Variants in OR2A14 observed in about 807,000 individuals in gnomAD.
OR2A14 encodes olfactory receptor 2A14.
A neutral mutation model predicts 2.4 loss-of-function variants in OR2A14; 2 were observed. The ratio of observed to expected loss-of-function variants is 0.85; its 90% confidence interval spans 0.35 to 2.67. OR2A14 has a LOEUF of 2.67. Ranked by LOEUF, OR2A14 falls within the 30% of genes most tolerant of loss-of-function variation. OR2A14 has a pLI of 0.10. For missense variants in OR2A14, 390 were observed against 379.4 expected (o/e 1.03, Z -0.23); for synonymous variants, 160 against 156.3 (o/e 1.02, Z -0.18).
At chr7:144,127,152 A>G (rs965294894) in intron 1 of OR2A14, among the ~76,000 whole-genome samples, 1 of 152,232 alleles carries the variant, frequency 6.6e-6, no homozygotes, top group Non-Finnish European at 1.5e-5. Flanking sequence ...ATGTGTTTAC[A>G]TCATCCACAG....
chr7:144,127,009 A>T (rs554157374), intron 1 of OR2A14, among the ~76,000 whole-genome samples: 72 of 152,350 alleles, frequency 4.7e-4, no homozygotes, highest in African/African-American at 1.7e-3. Context: ...TAGGGGAAAG[A>T]GAGAGGCAGG....
At position 144,129,559 on chromosome 7, in the gene OR2A14, G is replaced by C; in HGVS notation, c.447G>C (p.Val149=). 1 of 1,614,156 alleles carries C rather than the reference G, an allele frequency of 6.2e-7. No homozygotes were observed. Among genetic ancestry groups the C allele is most frequent in the Non-Finnish European group, 8.5e-7 (1 of 1,180,004 alleles). ...CTGTCCTGGCTGTGGCTTCCTGGGTGTTCAGCTTCCTCCTGGCTCTGGTCC... is the reference window on the plus strand; with the variant it reads ...CTGTCCTGGCTGTGGCTTCCTGGGTCTTCAGCTTCCTCCTGGCTCTGGTCC... ...VCTVLAVASW[V]FSFLLALVPL... The change falls in exon 2 of 2, where the codon GTG becomes GTC. Residue 149 remains valine (V), a synonymous_variant. Transcript: ENST00000641068.
rs1481360880 is a variant in OR2A14 at position 144,129,667 on chromosome 7, G to T, written c.555G>T (p.Lys185Asn). ...HFFCEILSVL[K>N]LACADTWLNQ... ...TCTGTGAAATCCTGTCTGTCCTCAA[G>T]TTGGCCTGTGCTGACACCTGGCTCA... The change falls in exon 2 of 2, where the codon AAG (lysine) becomes AAT (asparagine). Residue 185 changes from lysine to asparagine, a missense_variant. Coordinates refer to ENST00000641068, the MANE Select transcript of OR2A14 (RefSeq NM_001001659.3). The T allele has an allele frequency of 1.9e-6, 3 of 1,614,148 alleles. No individual in the cohort carries two copies. The highest frequency in any genetic ancestry group is 2.5e-6 in the Non-Finnish European group (3 of 1,180,030).
intron 1 of OR2A14, among the ~76,000 whole-genome samples, chr7:144,127,835 T>C (rs912676097): frequency 1.3e-5 from 2 of 152,204 alleles, no homozygotes; most frequent in African/African-American, 4.8e-5. Flanking sequence ...ATGTGAAGTG[T>C]TAACAGAACA....
chr7:144,129,324 C>A lies in OR2A14; in HGVS notation c.212C>A (p.Ser71Tyr), dbSNP rs774932482. 1.9e-6 allele frequency: 3 copies of A among 1,614,190 alleles called. No individual in the cohort carries two copies. Among genetic ancestry groups the A allele is most frequent in the South Asian group, 2.2e-5 (2 of 91,086 alleles). ...FLSHLAIVDI[S>Y]YASNYVPKML... ...TCACACCTGGCCATTGTTGACATAT[C>A]CTATGCTTCCAACTATGTCCCCAAG... The change falls in exon 2 of 2, where the codon TCC becomes TAC. Residue 71 changes from serine to tyrosine, a missense_variant. Transcript: ENST00000641068.
chr7:144,128,738 C>G (rs1246880950), intron 1 of OR2A14, among the ~76,000 whole-genome samples: 1 of 152,104 alleles, frequency 6.6e-6, no homozygotes, highest in Admixed American at 6.5e-5. Flanking sequence ...TCTCAAACTA[C>G]GTAAAAATCA....
chr7:144,130,141 C>A lies in OR2A14; in HGVS notation c.*96C>A. 1.1e-6 allele frequency: 1 copy of A among 943,846 alleles called. No homozygotes were observed. The highest frequency in any genetic ancestry group is 1.6e-6 in the Non-Finnish European group (1 of 620,368). 58.5% of individuals were successfully genotyped at this position (943,846 alleles called of 1,614,324 possible). ...TGTCTTCTGCTAGAATAAATGCTAC[C>A]TTAAACTGGAATACTATAGACCTAT... On this transcript the variant is annotated 3_prime_UTR_variant, in exon 2 of 2. Coordinates refer to ENST00000641068, the MANE Select transcript of OR2A14 (RefSeq NM_001001659.3).
At chr7:144,128,746 T>C (rs2128807283) in intron 1 of OR2A14, among the ~76,000 whole-genome samples, 1 of 152,214 alleles carries the variant, frequency 6.6e-6, no homozygotes, top group South Asian at 2.1e-4. Flanking sequence ...TACGTAAAAA[T>C]CAAGATTTCA....
Position 144,129,383 on chromosome 7 carries a change from A to G in OR2A14, c.271A>G (p.Ile91Val). 2 of 1,614,170 alleles carry G rather than the reference A, an allele frequency of 1.2e-6. No homozygotes were observed. The highest frequency in any genetic ancestry group is 1.1e-5 in the South Asian group (1 of 91,084). ...LTNLMNQEST[I>V]SFFPCIMQTF... Reference sequence around the variant, plus strand: ...GAATCTTATGAACCAGGAAAGCACCATCTCCTTTTTTCCATGCATAATGCA... The same window carrying G: ...GAATCTTATGAACCAGGAAAGCACCGTCTCCTTTTTTCCATGCATAATGCA... The change falls in exon 2 of 2, where the codon ATC (isoleucine) becomes GTC (valine). Residue 91 changes from isoleucine (I) to valine (V), a missense_variant. Physicochemically the swap from Ile to Val is conservative, Grantham distance 29. Transcript: ENST00000641068.
At chr7:144,128,644 G>A (rs1465541119) in intron 1 of OR2A14, among the ~76,000 whole-genome samples, 3 of 152,158 alleles carry the variant, frequency 2.0e-5, no homozygotes, top group African/African-American at 7.2e-5. Flanking sequence ...GAGGGTCCCC[G>A]TCCCTGCACA....
In OR2A14 at chr7:144,129,965, A is replaced by G. The variant is rs989572660; in HGVS notation, c.853A>G (p.Asn285Asp). Residue 285 changes from asparagine to aspartate, a missense_variant, in exon 2 of 2, where the codon AAC (asparagine) becomes GAC (aspartate). Physicochemically the swap from Asn to Asp is conservative, Grantham distance 23. Transcript: ENST00000641068. ...TTACAGCCTTTTCAATCCAATGCTG[A>G]ACCCCCTGATATATAGCCTAAGGAA... is the stretch of plus-strand genomic sequence containing the variant. ...LFYSLFNPML[N>D]PLIYSLRNAE... 6.2e-7 allele frequency: 1 copy of G among 1,614,174 alleles called. No individual in the cohort carries two copies.
chr7:144,129,608 C>A lies in OR2A14; in HGVS notation c.496C>A (p.Pro166Thr). 3.1e-6 allele frequency: 5 copies of A among 1,607,932 alleles called. No individual in the cohort carries two copies. Among genetic ancestry groups the A allele is most frequent in the Non-Finnish European group, 4.2e-6 (5 of 1,178,370 alleles). The change falls in exon 2 of 2, where the codon CCC (proline) becomes ACC (threonine). Residue 166 changes from proline (P) to threonine (T), a missense_variant. Transcript: ENST00000641068. ...LVPLVLILSL[P>T]FCGPHEINHF... ...CCCTTTAGTTCTCATCCTGAGCCTGCCCTTCTGCGGGCCTCATGAAATCAA... is the reference window on the plus strand; with the variant it reads ...CCCTTTAGTTCTCATCCTGAGCCTGACCTTCTGCGGGCCTCATGAAATCAA...
chr7:144,128,977 C>G, intron 1 of OR2A14, 102 bp from the exon 2 acceptor site: 1 of 668,160 alleles, frequency 1.5e-6, no homozygotes. Context: ...TATGAGCACA[C>G]TTGGTTAGTT....
chr7:144,129,008 A>G (rs2128807316), intron 1 of OR2A14, 71 bp from the exon 2 acceptor site: 1 of 952,988 alleles, frequency 1.0e-6, no homozygotes, highest in East Asian at 2.6e-5. Flanking sequence ...ATCTGAGAAT[A>G]AATTCTAGAA....
chr7:144,124,000 T>C (rs1436975680), intron 1 of OR2A14, among the ~76,000 whole-genome samples: 1 of 151,326 alleles, frequency 6.6e-6, no homozygotes, highest in Non-Finnish European at 1.5e-5. Flanking sequence ...AGTTAATGCA[T>C]TTAATCCTCA....
At chr7:144,127,780 C>G (rs141331894) in intron 1 of OR2A14, among the ~76,000 whole-genome samples, 4 of 151,996 alleles carry the variant, frequency 2.6e-5, no homozygotes, top group Non-Finnish European at 4.4e-5. Context: ...GAACCTTTAG[C>G]CTGATTTGAA....
rs747018869 is a variant in OR2A14 at position 144,129,776 on chromosome 7, GCCGCCATCTTGA to G, written c.665_676del (p.Ala222_Arg226delinsGly). The stretch of plus-strand genomic sequence containing the variant: ...GCTGGTCTCCTACTTGCGCATCCTG[GCCGCCATCTTGA>G]GGATCCAGTCTGGGGAGGGCCGCAG... On this transcript the variant is annotated inframe_deletion, in exon 2 of 2. Transcript: ENST00000641068. 2.5e-6 allele frequency: 4 copies of G among 1,614,000 alleles called. No homozygotes were observed. Among genetic ancestry groups the G allele is most frequent in the Non-Finnish European group, 3.4e-6 (4 of 1,180,024 alleles).
rs751163958 is a variant in OR2A14 at position 144,129,641 on chromosome 7, T to C, written c.529T>C (p.Phe177Leu). 6.2e-6 allele frequency: 10 copies of C among 1,612,600 alleles called. No individual in the cohort carries two copies. The South Asian group carries it at 9.9e-5, about 16-fold the overall frequency. Residue 177 changes from phenylalanine to leucine, a missense_variant, in exon 2 of 2, where the codon TTC (phenylalanine) becomes CTC (leucine). Phe to Leu is a conservative substitution (Grantham distance 22). Transcript: ENST00000641068. ...CGGGCCTCATGAAATCAACCACTTC[T>C]TCTGTGAAATCCTGTCTGTCCTCAA... ...FCGPHEINHF[F>L]CEILSVLKLA...
intron 1 of OR2A14, among the ~76,000 whole-genome samples, 195 bp downstream of exon 1, chr7:144,123,459 T>C (rs1311917951): frequency 6.6e-6 from 1 of 152,254 alleles, no homozygotes; most frequent in East Asian, 1.9e-4. Flanking sequence ...TCCCAGGATA[T>C]GGCCATGTAC....
Sources: allele counts gnomAD v4.1 joint callset (sites outside exome capture counted in the v4.1 genomes callset), GRCh38; gene constraint gnomAD v4.1.1; transcripts MANE v1.5; gene names NCBI Gene and HGNC (gene_info 2026-07-23, HGNC 2026-07-21).